ZNHIT6: variants seen among roughly 807,000 people sequenced by gnomAD.
ZNHIT6 encodes the protein zinc finger HIT-type containing 6, also known as box C/D snoRNA protein 1.
A neutral mutation model predicts 57.2 loss-of-function variants in ZNHIT6; 45 were observed. That is an observed-to-expected ratio of 0.79 (90% confidence interval 0.62 to 1.01). The LOEUF is 1.01. ZNHIT6 is among the 50% of genes least tolerant of loss of function. ZNHIT6 has a pLI of 0.00. For missense variants in ZNHIT6, 528 were observed against 567.3 expected (o/e 0.93, Z 0.70); for synonymous variants, 188 against 190.0 (o/e 0.99, Z 0.09).
chr1:85,679,733 C>T (rs1240735466), intron 6 of ZNHIT6, among the ~76,000 whole-genome samples: 2 of 151,720 alleles, frequency 1.3e-5, no homozygotes, highest in African/African-American at 4.8e-5. Context: ...TACAGGGGTG[C>T]GCCACTTCCC....
intron 8 of ZNHIT6, among the ~76,000 whole-genome samples, chr1:85,673,797 A>T (rs907532381): frequency 5.9e-5 from 9 of 152,272 alleles, no homozygotes; most frequent in Non-Finnish European, 1.2e-4. Context: ...TACCAATCAA[A>T]TGTAAATGCT....
At chr1:85,693,847 G>C (rs190338191) in intron 5 of ZNHIT6, among the ~76,000 whole-genome samples, 3 of 152,346 alleles carry the variant, frequency 2.0e-5, no homozygotes, top group Non-Finnish European at 4.4e-5. Flanking sequence ...GGCTGGGCGT[G>C]GGGGCTGATG....
At chr1:85,685,489 T>C (rs185397059) in intron 5 of ZNHIT6, among the ~76,000 whole-genome samples, 2 of 147,542 alleles carry the variant, frequency 1.4e-5, no homozygotes, top group African/African-American at 4.9e-5. Context: ...GCTATGATTA[T>C]TTCTTGACAT....
Position 85,685,272 on chromosome 1 carries a change from T to C in ZNHIT6, c.1020-4368A>G, listed in dbSNP as rs184773181. 8.4e-3 allele frequency among the ~76,000 whole-genome samples: 1,277 copies of C among 152,268 alleles called. 10 individuals carry two copies. Among genetic ancestry groups the C allele is most frequent in the Non-Finnish European group, 0.015 (995 of 68,020 alleles). On this transcript the variant is annotated intron_variant, in intron 5 of 9. Coordinates refer to ENST00000370574, the MANE Select transcript of ZNHIT6 (RefSeq NM_017953.4). ...ACCACTTTATATAATAGAAAAAAAT[T>C]AGAAACAACCTAAATGTACATCATC...
chr1:85,703,810 TCAC>T (rs1173885739), intron 4 of ZNHIT6, among the ~76,000 whole-genome samples: 2 of 152,100 alleles, frequency 1.3e-5, no homozygotes, highest in East Asian at 1.9e-4. Flanking sequence ...GAACATCCAT[TCAC>T]CACAAGACAC....
Position 85,678,692 on chromosome 1 carries a change from G to A in ZNHIT6, c.1169+9C>T. 1 of 1,538,252 alleles carries A rather than the reference G, an allele frequency of 6.5e-7. No homozygotes were observed. Among genetic ancestry groups the A allele is most frequent in the Non-Finnish European group, 8.9e-7 (1 of 1,127,842 alleles). On this transcript the variant is annotated intron_variant, in intron 7 of 9. Coordinates refer to ENST00000370574, the MANE Select transcript of ZNHIT6 (RefSeq NM_017953.4). ...TATTTCAGAAAGTTACAATATTTTT[G>A]AAGCATACCTTTGACGAATTACAGG...
intron 5 of ZNHIT6, among the ~76,000 whole-genome samples, chr1:85,683,907 A>C (rs773278143): frequency 2.6e-5 from 4 of 152,030 alleles, no homozygotes; most frequent in Non-Finnish European, 5.9e-5. Flanking sequence ...CCTCTAGATG[A>C]GTGTTCCACT....
At chr1:85,668,182 CTATTAT>C (rs901338878) in intron 8 of ZNHIT6, among the ~76,000 whole-genome samples, 1 of 151,160 alleles carries the variant, frequency 6.6e-6, no homozygotes, top group Admixed American at 6.6e-5. Context: ...ATAATTTTAA[CTATTAT>C]TAACATCAAA....
chr1:85,650,688 G>C lies in ZNHIT6; in HGVS notation c.*3370C>G, dbSNP rs1408680277. The C allele has an allele frequency of 1.3e-5, 2 of 152,154 alleles. No homozygotes were observed. The highest frequency in any genetic ancestry group is 2.9e-5 in the Non-Finnish European group (2 of 68,040). The allele number at this position is 152,154 out of a possible 1,614,324, so 9.4% of individuals were successfully genotyped here. A position where few individuals can be genotyped will look rare whatever the true frequency, so the allele number is the denominator to read the frequency against. ...GGGTCTCATGTTGCTTCCACTCTTG[G>C]TACAAAGTGAAAGGGGAGTAGGTAT... is the stretch of plus-strand genomic sequence containing the variant. On this transcript the variant is annotated 3_prime_UTR_variant, in exon 10 of 10. Transcript: ENST00000370574.
At chr1:85,663,836 GA>G (rs1186918185) in intron 8 of ZNHIT6, among the ~76,000 whole-genome samples, 1 of 152,124 alleles carries the variant, frequency 6.6e-6, no homozygotes, top group Non-Finnish European at 1.5e-5. Context: ...CCTGGTTGAA[GA>G]TTTTTTTCTT....
At position 85,671,183 on chromosome 1, in the gene ZNHIT6, C is replaced by A. The variant is rs541759431; in HGVS notation, c.1247+6053G>T. 1.1e-4 allele frequency among the ~76,000 whole-genome samples: 17 copies of A among 152,192 alleles called. 1 individual carries two copies. The South Asian group carries it at 3.5e-3, about 32-fold the overall frequency. ...AAATCTCTCATATTCTTCCAATATC[C>A]AATTATGTCAAAAGAAATGTTAACA... On this transcript the variant is annotated intron_variant, in intron 8 of 9. Coordinates refer to ENST00000370574, the MANE Select transcript of ZNHIT6 (RefSeq NM_017953.4).
intron 9 of ZNHIT6, among the ~76,000 whole-genome samples, chr1:85,654,571 C>T (rs1251543651): frequency 6.6e-6 from 1 of 152,120 alleles, no homozygotes; most frequent in Non-Finnish European, 1.5e-5. Context: ...CTCTGACACC[C>T]CTGTCTTGCT....
rs75970176 is a variant in ZNHIT6 at position 85,656,785 on chromosome 1, T to C, written c.1372+1062A>G. Among the ~76,000 whole-genome samples, 84 of 152,280 alleles carry C rather than the reference T, an allele frequency of 5.5e-4. No homozygotes were observed. The East Asian group carries it at 0.016, about 29-fold the overall frequency. On this transcript the variant is annotated intron_variant, in intron 9 of 9. Transcript: ENST00000370574. The stretch of plus-strand genomic sequence containing the variant: ...TTGCTAACTAAAATCTGGTTTCAAG[T>C]TGTAGCACTGATACAATTTTGGCCA...
rs149657806 is a variant in ZNHIT6 at position 85,707,954 on chromosome 1, T to C, written c.331A>G (p.Asn111Asp). 2.5e-6 allele frequency: 4 copies of C among 1,613,648 alleles called. No individual in the cohort carries two copies. In the African/African-American group the frequency reaches 5.4e-5, roughly 22 times the overall value. Residue 111 changes from asparagine to aspartate, a missense_variant, in exon 1 of 10, where the codon AAC (asparagine) becomes GAC (aspartate). Physicochemically the swap from Asn to Asp is conservative, Grantham distance 23. Coordinates refer to ENST00000370574, the MANE Select transcript of ZNHIT6 (RefSeq NM_017953.4). ...TGCTTCACCTCCAATACGCCTGCGT[T>C]CTCATCCTTCACCTCAGGCCTATCC... The part of the protein sequence containing the change: ...VEDRPEVKDE[N>D]AGVLEVKQET...
rs186142136 is a variant in ZNHIT6, at chr1:85,668,106, A to G, written c.1247+9130T>C. On this transcript the variant is annotated intron_variant, in intron 8 of 9. Transcript: ENST00000370574. ...TTCTCTGCAACAAAAATGTAATGTA[A>G]AGTAAAATTTAATTTCATTACCTAT... Among the ~76,000 whole-genome samples the G allele has an allele frequency of 8.1e-4, 122 of 150,426 alleles. 1 individual carries two copies. The East Asian group carries it at 0.021, about 26-fold the overall frequency.
intron 4 of ZNHIT6, among the ~76,000 whole-genome samples, chr1:85,705,738 A>T (rs1034480358): frequency 6.6e-6 from 1 of 152,184 alleles, no homozygotes; most frequent in African/African-American, 2.4e-5. Context: ...CTCTTTGAGA[A>T]GCTTCTCCTG....
intron 8 of ZNHIT6, among the ~76,000 whole-genome samples, chr1:85,660,831 T>A (rs1265591274): frequency 6.6e-6 from 1 of 152,230 alleles, no homozygotes; most frequent in Non-Finnish European, 1.5e-5. Context: ...GCTTGTCAAC[T>A]GATAAATTAT....
intron 8 of ZNHIT6, among the ~76,000 whole-genome samples, chr1:85,671,771 T>C (rs1661562420): frequency 6.6e-6 from 1 of 152,210 alleles, no homozygotes; most frequent in Admixed American, 6.5e-5. Context: ...ACAGGCTTAG[T>C]AACTTTCCAA....
chr1:85,697,140 G>A (rs1308939357), intron 5 of ZNHIT6, among the ~76,000 whole-genome samples: 1 of 152,032 alleles, frequency 6.6e-6, no homozygotes, highest in Non-Finnish European at 1.5e-5. Flanking sequence ...AGAGTGCTGG[G>A]ATTACAGGCG....
Sources: gnomAD v4.1 joint callset for allele counts (sites outside exome capture counted in the v4.1 genomes callset) on GRCh38, gnomAD v4.1.1 for gene constraint, MANE v1.5 for transcripts, NCBI Gene and HGNC (gene_info 2026-07-23, HGNC 2026-07-21) for gene names.